Variants in FRMD8 observed in about 807,000 individuals in gnomAD.
The protein encoded by FRMD8 is FERM domain-containing protein 8.
FRMD8 carries 37 observed loss-of-function variants against 54.2 expected under a neutral mutation model. The ratio of observed to expected loss-of-function variants is 0.68; its 90% CI spans 0.53 to 0.90. The LOEUF is 0.90. Ranked by LOEUF, FRMD8 falls within the 40% of genes least tolerant of loss-of-function variation. The pLI is 0.00. For synonymous variants in FRMD8, 246 were observed against 286.9 expected, an observed-to-expected ratio of 0.86 and a Z score of 1.44; for missense variants, 585 against 653.7, an observed-to-expected ratio of 0.89 and a Z score of 1.15.
chr11:65,409,325 G>C (rs1234247644), intron 10 of FRMD8, among the ~76,000 whole-genome samples: 1 of 152,012 alleles, frequency 6.6e-6, no homozygotes, highest in Non-Finnish European at 1.5e-5. Flanking sequence ...GACCTCAGGT[G>C]ATCTGTCCGC....
At chr11:65,379,859 C>T in the FRMD8 span, 2 of 1,614,046 alleles carry the variant, frequency 1.2e-6, no homozygotes, top group Non-Finnish European at 1.7e-6. Flanking sequence ...AAGGAGTGGG[C>T]CACTCACGGA....
chr11:65,377,441 C>A, the FRMD8 span: 1 of 1,056,304 alleles, frequency 9.5e-7, no homozygotes, highest in Non-Finnish European at 1.1e-6. Context: ...GTGGGCAGGG[C>A]CAAGTGAAGG....
intron 3 of FRMD8, among the ~76,000 whole-genome samples, chr11:65,391,155 C>G (rs1855837901): frequency 1.3e-5 from 2 of 152,266 alleles, no homozygotes; most frequent in African/African-American, 4.8e-5. Context: ...CAGGGCTTAG[C>G]CTTCTCAATG....
chr11:65,406,706 A>G (rs1211801380), intron 10 of FRMD8, among the ~76,000 whole-genome samples: 3 of 151,930 alleles, frequency 2.0e-5, no homozygotes, highest in African/African-American at 7.2e-5. Context: ...TTGGGAGACC[A>G]AGGCGGGTGG....
chr11:65,397,271 G>A (rs539914959), intron 7 of FRMD8, among the ~76,000 whole-genome samples: 3 of 152,304 alleles, frequency 2.0e-5, no homozygotes, highest in South Asian at 2.1e-4. Context: ...TCACTGGCCC[G>A]GCCGACCTCG....
chr11:65,404,935 G>A lies in FRMD8; in HGVS notation c.1143G>A (p.Gln381=), dbSNP rs1282005946. The A allele has an allele frequency of 1.9e-6, 3 of 1,613,200 alleles. No individual in the cohort carries two copies. The highest frequency in any genetic ancestry group is 2.2e-5 in the East Asian group (1 of 44,900). Residue 381 remains glutamine (Q), a synonymous_variant, in exon 10 of 11, where the codon CAG becomes CAA. Transcript: ENST00000317568. The surrounding 1 kb of genome is among the most constrained non-coding windows in gnomAD (Gnocchi z 4.7). ...LSQAAEPAGP[Q]DSATGSPSDP... is the part of the protein sequence containing the mutation. ...AGGCGGCGGAGCCCGCAGGCCCCCA[G>A]GACAGTGCGACTGGCTCGCCCTCGG... is the stretch of plus-strand genomic sequence containing the variant.
rs772420534 is a variant in FRMD8, at chr11:65,411,274, A to G, written c.1309A>G (p.Thr437Ala). The change falls in exon 11 of 11, where the codon ACC becomes GCC. Residue 437 changes from threonine (T) to alanine (A), a missense_variant. By Grantham distance (58) the Thr-to-Ala change is moderately conservative (BLOSUM62 0). Coordinates refer to ENST00000317568, the MANE Select transcript of FRMD8 (RefSeq NM_031904.5). ...KGIRRVKPKR[T>A]TSFFSRQLSL... ...GATCAGGCGAGTGAAGCCGAAGCGC[A>G]CCACATCCTTCTTCAGCCGGCAGCT... 11 of 1,609,590 alleles carry G rather than the reference A, an allele frequency of 6.8e-6. No individual in the cohort carries two copies. The highest frequency in any genetic ancestry group is 1.1e-5 in the South Asian group (1 of 90,672).
At chr11:65,397,094 T>A in intron 7 of FRMD8, 74 bp downstream of exon 7, 1 of 803,124 alleles carries the variant, frequency 1.2e-6, no homozygotes, top group Non-Finnish European at 1.9e-6. Context: ...CAGCTGCCAG[T>A]GAGCCCACCT....
At chr11:65,374,049 G>A in the FRMD8 span, among the ~76,000 whole-genome samples, 1 of 152,164 alleles carries the variant, frequency 6.6e-6, no homozygotes, top group African/African-American at 2.4e-5. Context: ...GGTGCCTCAC[G>A]CCTGTAATCC....
At chr11:65,383,049 T>G (rs1855648951), upstream of FRMD8, 3 of 152,578 alleles carry the variant, frequency 2.0e-5, no homozygotes, top group South Asian at 6.2e-4. Context: ...CCTGAGTGAC[T>G]GAATGAACGG....
upstream of FRMD8, among the ~76,000 whole-genome samples, chr11:65,385,286 T>C (rs1590643463): frequency 6.6e-6 from 1 of 152,292 alleles, no homozygotes; most frequent in Non-Finnish European, 1.5e-5. Context: ...GCAGCCCACA[T>C]CTGAGCTTCC....
intron 4 of FRMD8, 76 bp downstream of exon 4, chr11:65,393,750 C>A: frequency 7.8e-7 from 1 of 1,288,674 alleles, no homozygotes; most frequent in Non-Finnish European, 1.1e-6. Flanking sequence ...CCAGCCAGGG[C>A]CCTGCCAGCA....
chr11:65,394,444 T>C lies in FRMD8; in HGVS notation c.581+19T>C, dbSNP rs773952195. On this transcript the variant is annotated intron_variant, in intron 6 of 10. Transcript: ENST00000317568. The stretch of plus-strand genomic sequence containing the variant: ...ACCTGAGGTGAGGGCCTGTGTGACT[T>C]GAGGCGGGGGCGCTGGGTGGGGGAG... 3 of 1,557,614 alleles carry C rather than the reference T, an allele frequency of 1.9e-6. No individual in the cohort carries two copies. Among genetic ancestry groups the C allele is most frequent in the Non-Finnish European group, 2.6e-6 (3 of 1,155,158 alleles).
chr11:65,369,635 CAGGAGAATTGCTTGAACCAGGG>C, the FRMD8 span, among the ~76,000 whole-genome samples: 2 of 151,844 alleles, frequency 1.3e-5, no homozygotes, highest in African/African-American at 2.4e-5. Context: ...GAGGCTGAGA[CAGGAGAATTGCTTGAACCAGGG>C]AGGTGGGTTA....
chr11:65,397,710 T>A (rs1432086570), intron 7 of FRMD8, among the ~76,000 whole-genome samples: 1 of 152,054 alleles, frequency 6.6e-6, no homozygotes, highest in African/African-American at 2.4e-5. Flanking sequence ...TTTAGGAATT[T>A]GGTTTTTTGT....
chr11:65,375,286 A>G, the FRMD8 span: 1 of 152,418 alleles, frequency 6.6e-6, no homozygotes, highest in Non-Finnish European at 1.5e-5. Context: ...CAGGCAGCTC[A>G]CAGTCCAGTG....
At chr11:65,379,440 C>T in the FRMD8 span, 55 of 1,613,802 alleles carry the variant, frequency 3.4e-5, no homozygotes, top group Middle Eastern at 9.9e-4. Flanking sequence ...CTGGGCCCGC[C>T]GCTCCTGGTG....
Position 65,413,391 on chromosome 11 carries a change from T to G in FRMD8, c.*2031T>G, listed in dbSNP as rs61895450. 4,660 of 152,298 alleles carry G rather than the reference T, an allele frequency of 0.031. 109 individuals are homozygous for G. Among genetic ancestry groups the G allele is most frequent in the Non-Finnish European group, 0.045 (3,082 of 68,012 alleles). 9.4% of individuals were successfully genotyped at this position (152,298 alleles called of 1,614,324 possible). A position where few individuals can be genotyped will look rare whatever the true frequency, so the allele number is the denominator to read the frequency against. The stretch of plus-strand genomic sequence containing the variant: ...CAGATGATGTGTTTTCCCTTCAGCT[T>G]CTTACGTTTTCTGAGCATCCATTGT... On this transcript the variant is annotated 3_prime_UTR_variant, in exon 11 of 11. Coordinates refer to ENST00000317568, the MANE Select transcript of FRMD8 (RefSeq NM_031904.5).
At chr11:65,387,829 C>T (rs1400050585) in intron 2 of FRMD8, among the ~76,000 whole-genome samples, 1 of 152,098 alleles carries the variant, frequency 6.6e-6, no homozygotes, top group Non-Finnish European at 1.5e-5. Flanking sequence ...TGAGCCACCA[C>T]ACCCGGCTGT....
Sources: allele counts gnomAD v4.1 joint callset (sites outside exome capture counted in the v4.1 genomes callset), GRCh38; gene constraint gnomAD v4.1.1; non-coding constraint Gnocchi (gnomAD v3.1); transcripts MANE v1.5; gene names NCBI Gene and HGNC (gene_info 2026-07-23, HGNC 2026-07-21).